Variants in MPP7 observed in about 807,000 individuals in gnomAD.
MPP7 encodes the protein MAGUK p55 subfamily member 7.
MPP7 carries 60 observed loss-of-function variants against 76.5 expected under a neutral mutation model. The observed-to-expected ratio is 0.78, with a 90% confidence interval of 0.64 to 0.97. MPP7 has a LOEUF of 0.97. Among genes scored for constraint, MPP7 ranks in the 50% least tolerant of loss-of-function variants. MPP7 has a pLI of 0.00. For missense variants in MPP7, 641 were observed against 694.0 expected (o/e 0.92, Z 0.86); for synonymous variants, 237 against 244.5 (o/e 0.97, Z 0.29).
intron 15 of MPP7, chr10:28,057,874 G>T: frequency 8.2e-7 from 1 of 1,216,142 alleles, no homozygotes; most frequent in Non-Finnish European, 1.0e-6. Context: ...AAATGCTGTG[G>T]GCTGGGGATC....
At chr10:28,135,685 C>A (rs1455666101) in intron 5 of MPP7, among the ~76,000 whole-genome samples, 5 of 152,000 alleles carry the variant, frequency 3.3e-5, no homozygotes, top group African/African-American at 4.8e-5. Flanking sequence ...TTCATAGGCA[C>A]TGAGAAGAGT....
chr10:28,332,246 CGT>C (rs4018712), intron 1 of MPP7, among the ~76,000 whole-genome samples: 1,839 of 146,730 alleles, frequency 0.013, 21 homozygotes, highest in East Asian at 0.073. Flanking sequence ...CAAATGTATG[CGT>C]GTGTGTGTGT....
At chr10:28,276,030 C>CT (rs537127115) in intron 1 of MPP7, among the ~76,000 whole-genome samples, 20,431 of 131,202 alleles carry the variant, frequency 0.16, 2,675 homozygotes, top group East Asian at 0.38. Context: ...CCATCACATA[C>CT]TTTTTTTTTT....
intron 1 of MPP7, among the ~76,000 whole-genome samples, chr10:28,302,618 C>A (rs1841187517): frequency 6.6e-6 from 1 of 152,094 alleles, no homozygotes; most frequent in Non-Finnish European, 1.5e-5. Context: ...ACAGGGGTCT[C>A]CAGGGGTCCT....
At chr10:28,075,509 C>T (rs1366739739) in intron 12 of MPP7, among the ~76,000 whole-genome samples, 1 of 152,132 alleles carries the variant, frequency 6.6e-6, no homozygotes, top group African/African-American at 2.4e-5. Flanking sequence ...TTGCACGACG[C>T]AAGTTACTAT....
At chr10:28,063,581 G>A (rs1283466309) in intron 13 of MPP7, among the ~76,000 whole-genome samples, 3 of 151,938 alleles carry the variant, frequency 2.0e-5, no homozygotes, top group Non-Finnish European at 4.4e-5. Context: ...CACAGAAGGT[G>A]AGCGACAGGC....
Position 28,310,002 on chromosome 10 carries a change from C to CTT in MPP7, c.-132+19925_-132+19926dup, listed in dbSNP as rs770667750. Among the ~76,000 whole-genome samples, 412 of 111,304 alleles carry CTT rather than the reference C, an allele frequency of 3.7e-3. 2 individuals carry two copies. The highest frequency in any genetic ancestry group is 0.011 in the African/African-American group (329 of 29,654). 73.0% of individuals were successfully genotyped at this position (111,304 alleles called of 152,430 possible). A position where few individuals can be genotyped will look rare whatever the true frequency, so the allele number is the denominator to read the frequency against. ...AACTGGGAGCCAATGCCAATTAAAC[C>CTT]TTTTTTTTTTTTTTTTTTAAACGGA... On this transcript the variant is annotated intron_variant, in intron 2 of 11. Coordinates refer to the MPP7 transcript ENST00000441595.
intron 5 of MPP7, among the ~76,000 whole-genome samples, 192 bp from the exon 6 acceptor site, chr10:28,131,883 T>C (rs1444083072): frequency 6.6e-6 from 1 of 152,138 alleles, no homozygotes; most frequent in African/African-American, 2.4e-5. Context: ...ACAGTGCTTG[T>C]CCAGAGAGCA....
chr10:28,249,612 T>C (rs939143028), intron 1 of MPP7, among the ~76,000 whole-genome samples: 3 of 152,068 alleles, frequency 2.0e-5, no homozygotes, highest in African/African-American at 7.2e-5. Flanking sequence ...ATGTGCCCAG[T>C]CCCCTTGACA....
At chr10:28,122,730 T>C (rs886172748) in intron 8 of MPP7, among the ~76,000 whole-genome samples, 1 of 152,184 alleles carries the variant, frequency 6.6e-6, no homozygotes, top group African/African-American at 2.4e-5. Flanking sequence ...TATTGATTTT[T>C]ATCATCTCTA....
intron 12 of MPP7, among the ~76,000 whole-genome samples, chr10:28,086,663 G>A (rs371495903): frequency 5.3e-5 from 8 of 152,262 alleles, no homozygotes; most frequent in Middle Eastern, 3.4e-3. Context: ...CCTGACGACC[G>A]TTTCAACTGC....
chr10:28,057,605 CTTTTTTTTTTTTTTTTTT>C, intron 15 of MPP7: 1 of 121,560 alleles, frequency 8.2e-6, no homozygotes, highest in Non-Finnish European at 1.1e-5. Flanking sequence ...AATTAAACCT[CTTTTTTTTTTTTTTTTTT>C]TTTTTTTTTT....
intron 1 of MPP7, among the ~76,000 whole-genome samples, chr10:28,253,991 G>A (rs1839701065): frequency 9.8e-6 from 1 of 101,992 alleles, no homozygotes; most frequent in Non-Finnish European, 1.8e-5. Flanking sequence ...GAGAGAGTCT[G>A]TCTCACAAAA....
intron 2 of MPP7, among the ~76,000 whole-genome samples, chr10:28,218,845 C>A (rs12247867): frequency 0.17 from 26,358 of 152,068 alleles, 2,593 homozygotes; most frequent in African/African-American, 0.26. Flanking sequence ...ATACCCAGCA[C>A]GACCTAGGGC....
chr10:28,099,721 C>T (rs1270913940), intron 11 of MPP7, among the ~76,000 whole-genome samples: 1 of 152,010 alleles, frequency 6.6e-6, no homozygotes, highest in Non-Finnish European at 1.5e-5. Flanking sequence ...GCAGGAGAAT[C>T]ACTTGAACCC....
At chr10:28,154,349 G>C (rs950178514) in intron 3 of MPP7, among the ~76,000 whole-genome samples, 16 of 152,260 alleles carry the variant, frequency 1.1e-4, no homozygotes, top group African/African-American at 3.6e-4. Context: ...TAAAAACTTG[G>C]AGGCTGTACC....
At chr10:28,098,931 T>TAC (rs1317793408) in intron 11 of MPP7, among the ~76,000 whole-genome samples, 1 of 152,078 alleles carries the variant, frequency 6.6e-6, no homozygotes, top group African/African-American at 2.4e-5. Context: ...AAGAAGTACT[T>TAC]ACAGTTTCGA....
Position 28,316,435 on chromosome 10 carries a change from T to TAAAA in MPP7, c.-132+13490_-132+13493dup, listed in dbSNP as rs549621404. 7.0e-4 allele frequency among the ~76,000 whole-genome samples: 26 copies of TAAAA among 37,150 alleles called. 3 individuals are homozygous for TAAAA. The highest frequency in any genetic ancestry group is 2.0e-3 in the African/African-American group (24 of 11,914). The allele number at this position is 37,150 out of a possible 152,430, so 24.4% of individuals were successfully genotyped here. ...GGGCAACAGAGTAAGACTCTGTCTT[T>TAAAA]AAAAAAAAAAAAAAAAAAAAAAAAA... is the stretch of plus-strand genomic sequence containing the variant. On this transcript the variant is annotated intron_variant, in intron 2 of 11. Transcript: ENST00000441595.
intron 1 of MPP7, among the ~76,000 whole-genome samples, chr10:28,274,775 T>C (rs1438520175): frequency 1.3e-5 from 2 of 152,136 alleles, no homozygotes; most frequent in South Asian, 4.1e-4. Flanking sequence ...CCTCTGAAAA[T>C]AAACTCTTCA....
Sources: gnomAD v4.1 joint callset for allele counts (sites outside exome capture counted in the v4.1 genomes callset) on GRCh38, gnomAD v4.1.1 for gene constraint, MANE v1.5 for transcripts, NCBI Gene and HGNC (gene_info 2026-07-23, HGNC 2026-07-21) for gene names.